CSNK2A1: variants seen among roughly 807,000 people sequenced by gnomAD.
CSNK2A1 encodes casein kinase 2 alpha 1, also known as casein kinase II subunit alpha.
Under a neutral mutation model 62.9 loss-of-function variants are expected in CSNK2A1, and 10 were observed. That is an observed-to-expected ratio of 0.16 (90% CI 0.10 to 0.27). The LOEUF is 0.27. Ranked by LOEUF, CSNK2A1 falls within the 10% of genes least tolerant of loss-of-function variation. The pLI is 1.00. For missense variants in CSNK2A1, 160 were observed against 492.0 expected (o/e 0.33, Z 6.38); for synonymous variants, 124 against 167.8 (o/e 0.74, Z 2.02).
At chr20:503,272 G>A (rs1472011490) in intron 4 of CSNK2A1, 1 of 383,794 alleles carries the variant, frequency 2.6e-6, no homozygotes, top group East Asian at 3.7e-5. Context: ...AGCCCCTCGA[G>A]GACCTGCGAC....
chr20:494,727 CCT>C (rs1321505762), intron 8 of CSNK2A1: 8 of 152,162 alleles, frequency 5.3e-5, no homozygotes, highest in African/African-American at 1.7e-4. Context: ...TTTGGTTTTA[CCT>C]CTTTGATTTC....
rs184800953 is a variant in CSNK2A1, at chr20:530,368, T to C, written c.-226-2319A>G. 3.3e-5 allele frequency among the ~76,000 whole-genome samples: 5 copies of C among 152,326 alleles called. No individual in the cohort carries two copies. The East Asian group carries it at 9.6e-4, about 29-fold the overall frequency. The stretch of plus-strand genomic sequence containing the variant: ...ACTGTATAAATACATCACATTCTGG[T>C]TGTCCATTCACTGACAGATATTTGG... On this transcript the variant is annotated intron_variant, in intron 1 of 13. Transcript: ENST00000217244.
At chr20:534,722 T>G (rs1413315417) in intron 1 of CSNK2A1, among the ~76,000 whole-genome samples, 1 of 151,990 alleles carries the variant, frequency 6.6e-6, no homozygotes, top group Non-Finnish European at 1.5e-5. Flanking sequence ...TCCTTAGCTG[T>G]GGTGTTTAAA....
rs78377316 is a variant in CSNK2A1 at position 525,190 on chromosome 20, G to A, written c.-110+2743C>T. Reference sequence around the variant, plus strand: ...ATAAAAATACGATATTTCAAAACGTGGGATACAATTAAAGCAGGACTTAGA... The same window carrying A: ...ATAAAAATACGATATTTCAAAACGTAGGATACAATTAAAGCAGGACTTAGA... On this transcript the variant is annotated intron_variant, in intron 2 of 13. Coordinates refer to ENST00000217244, the MANE Select transcript of CSNK2A1 (RefSeq NM_177559.3). 7.6e-3 allele frequency among the ~76,000 whole-genome samples: 1,160 copies of A among 152,168 alleles called. 27 individuals carry two copies. Among genetic ancestry groups the A allele is most frequent in the African/African-American group, 0.026 (1,064 of 41,516 alleles).
chr20:500,270 T>A lies in CSNK2A1; in HGVS notation c.214-336A>T, dbSNP rs189363278. ...AAACCTTACAAAGTAGCAATTTAAA[T>A]CGTTAGTAATACTAAAGTATATCAA... On this transcript the variant is annotated intron_variant, in intron 4 of 13. Transcript: ENST00000217244. The A allele has an allele frequency of 6.8e-5, 16 of 234,924 alleles. No individual in the cohort carries two copies. In the Admixed American group the frequency reaches 8.2e-4, roughly 12 times the overall value. The allele number at this position is 234,924 out of a possible 1,614,324, so 14.6% of individuals were successfully genotyped here. A position where few individuals can be genotyped will look rare whatever the true frequency, so the allele number is the denominator to read the frequency against.
chr20:524,796 A>G (rs562045265), intron 2 of CSNK2A1, among the ~76,000 whole-genome samples: 1 of 152,146 alleles, frequency 6.6e-6, no homozygotes, highest in African/African-American at 2.4e-5. Flanking sequence ...AAACATCACA[A>G]TATATCCCAT....
Position 492,282 on chromosome 20 carries a change from T to C in CSNK2A1, c.593A>G (p.Lys198Arg), listed in dbSNP as rs869312840. The change falls in exon 9 of 14, where the codon AAA becomes AGA. Residue 198 changes from lysine (K) to arginine (R), a missense_variant. Coordinates refer to ENST00000217244, the MANE Select transcript of CSNK2A1 (RefSeq NM_177559.3). The stretch of plus-strand genomic sequence containing the variant: ...ATAGTCTACAAGTAGCTCAGGACCT[T>C]TGAAGTATCGGGAAGCAACTCGGAC... The part of the protein sequence containing the change: ...YNVRVASRYF[K>R]GPELLVDYQM... 2 of 1,614,084 alleles carry C rather than the reference T, an allele frequency of 1.2e-6. No individual in the cohort carries two copies. The highest frequency in any genetic ancestry group is 1.7e-6 in the Non-Finnish European group (2 of 1,179,990).
intron 1 of CSNK2A1, 141 bp downstream of exon 1, chr20:543,531 T>G: frequency 7.8e-6 from 3 of 386,356 alleles, no homozygotes; most frequent in Admixed American, 4.5e-5. Flanking sequence ...CCTCGCTTGG[T>G]TTATGTGTGA....
Position 487,527 on chromosome 20 carries a change from G to T in CSNK2A1, c.873C>A (p.His291Gln). The T allele has an allele frequency of 6.2e-7, 1 of 1,614,206 alleles. No individual in the cohort carries two copies. Among genetic ancestry groups the T allele is most frequent in the Middle Eastern group, 1.6e-4 (1 of 6,062 alleles). The change falls in exon 12 of 14, where the codon CAC (histidine) becomes CAA (glutamine). Residue 291 changes from histidine (H) to glutamine (Q), a missense_variant. Coordinates refer to ENST00000217244, the MANE Select transcript of CSNK2A1 (RefSeq NM_177559.3). The part of the protein sequence containing the change: ...WERFVHSENQ[H>Q]LVSPEALDFL... ...AATCCAAGGCCTCAGGGCTGACAAGGTGCTGATTTTCACTGTGGACAAAGC... is the reference window on the plus strand; with the variant it reads ...AATCCAAGGCCTCAGGGCTGACAAGTTGCTGATTTTCACTGTGGACAAAGC...
At chr20:524,822 T>C (rs967616320) in intron 2 of CSNK2A1, among the ~76,000 whole-genome samples, 2 of 151,886 alleles carry the variant, frequency 1.3e-5, no homozygotes, top group Non-Finnish European at 2.9e-5. Context: ...TGTACAATTA[T>C]GTATCAATTA....
chr20:477,657 C>T lies in CSNK2A1; in HGVS notation c.*6304G>A, dbSNP rs1174899525. ...CAAACCCTAGTCCATAGCCTGAGGC[C>T]CACCTATACCCAGACCCAGTGTCTT... On this transcript the variant is annotated 3_prime_UTR_variant, in exon 14 of 14. Transcript: ENST00000217244. 1.3e-5 allele frequency: 2 copies of T among 152,224 alleles called. No individual in the cohort carries two copies. Among genetic ancestry groups the T allele is most frequent in the African/African-American group, 4.8e-5 (2 of 41,424 alleles). 9.4% of individuals were successfully genotyped at this position (152,224 alleles called of 1,614,324 possible).
intron 13 of CSNK2A1, 48 bp from the exon 14 acceptor site, chr20:484,124 T>C (rs769860131): frequency 6.9e-7 from 1 of 1,439,714 alleles, no homozygotes; most frequent in Non-Finnish European, 9.3e-7. Flanking sequence ...ACCATGGCAA[T>C]CTTACCAGTT....
intron 2 of CSNK2A1, chr20:526,997 C>CAGAGAGAGAGAGAG (rs1186187834): frequency 5.6e-5 from 3 of 54,002 alleles, no homozygotes; most frequent in African/African-American, 2.2e-4. Context: ...GAGAGAGAGA[C>CAGAGAGAGAGAGAG]AGACAGAGAG....
intron 2 of CSNK2A1, among the ~76,000 whole-genome samples, chr20:511,731 C>CA (rs201759312): frequency 6.7e-6 from 1 of 149,164 alleles, no homozygotes; most frequent in East Asian, 2.0e-4. Flanking sequence ...CACACACACA[C>CA]CACATTTTGC....
chr20:540,407 CT>C (rs1414721132), intron 1 of CSNK2A1, among the ~76,000 whole-genome samples: 41 of 152,348 alleles, frequency 2.7e-4, no homozygotes, highest in African/African-American at 9.1e-4. Flanking sequence ...GGATACAATT[CT>C]GCTAAACTTA....
intron 2 of CSNK2A1, among the ~76,000 whole-genome samples, chr20:524,732 A>G (rs1178474936): frequency 6.9e-6 from 1 of 144,948 alleles, no homozygotes; most frequent in Non-Finnish European, 1.5e-5. Context: ...AAAAAAAAAG[A>G]GATACATCTA....
At position 480,311 on chromosome 20, in the gene CSNK2A1, TG is replaced by T. The variant is rs2017932735; in HGVS notation, c.*3649del. 6.8e-6 allele frequency: 1 copy of T among 147,884 alleles called. No homozygotes were observed. The highest frequency in any genetic ancestry group is 1.5e-5 in the Non-Finnish European group (1 of 67,232). 9.2% of individuals were successfully genotyped at this position (147,884 alleles called of 1,614,324 possible). A position where few individuals can be genotyped will look rare whatever the true frequency, so the allele number is the denominator to read the frequency against. ...AGAAAGGGGGCAATGGAGTGGAGAG[TG>T]GAACTACAATTTATTAAGCACCTAT... On this transcript the variant is annotated 3_prime_UTR_variant, in exon 14 of 14. Coordinates refer to ENST00000217244, the MANE Select transcript of CSNK2A1 (RefSeq NM_177559.3).
At chr20:540,950 T>TCCAAG (rs1481862387) in intron 1 of CSNK2A1, 3 of 152,318 alleles carry the variant, frequency 2.0e-5, no homozygotes, top group African/African-American at 7.2e-5. Flanking sequence ...GAAATTCACT[T>TCCAAG]CCAAGCTCAA....
At chr20:501,472 A>C (rs1025139024) in intron 4 of CSNK2A1, 2 of 152,262 alleles carry the variant, frequency 1.3e-5, no homozygotes, top group African/African-American at 4.8e-5. Context: ...CATCAAGAAA[A>C]TTTTAAAAAG....
Sources: allele counts gnomAD v4.1 joint callset (sites outside exome capture counted in the v4.1 genomes callset), GRCh38; gene constraint gnomAD v4.1.1; transcripts MANE v1.5; gene names NCBI Gene and HGNC (gene_info 2026-07-23, HGNC 2026-07-21).